HIP1: variants seen among roughly 807,000 people sequenced by gnomAD.
HIP1 encodes the protein huntingtin-interacting protein 1.
HIP1 carries 65 observed loss-of-function variants against 147.6 expected under a neutral mutation model. The observed-to-expected ratio is 0.44, with a 90% CI of 0.36 to 0.54. HIP1 has a LOEUF of 0.54. Ranked by LOEUF, HIP1 falls within the 20% of genes least tolerant of loss-of-function variation. The pLI, the probability that HIP1 is intolerant of heterozygous loss-of-function variation, is 0.00. For missense variants in HIP1, 1,061 were observed against 1,299.6 expected, an observed-to-expected ratio of 0.82 and a Z score of 2.82; for synonymous variants, 479 against 504.0, an observed-to-expected ratio of 0.95 and a Z score of 0.67.
Position 75,534,162 on chromosome 7 carries a change from C to T in HIP1, c.*4010G>A, listed in dbSNP as rs587705387. 2.2e-5 allele frequency: 5 copies of T among 229,248 alleles called. No individual in the cohort carries two copies. The highest frequency in any genetic ancestry group is 3.5e-5 in the Non-Finnish European group (4 of 115,556). The allele number at this position is 229,248 out of a possible 1,614,324, so 14.2% of individuals were successfully genotyped here. On this transcript the variant is annotated 3_prime_UTR_variant, in exon 31 of 31. Coordinates refer to ENST00000336926, the MANE Select transcript of HIP1 (RefSeq NM_005338.7). ...AGGGGCCAAAGCCAACTAATCTGAC[C>T]GGAGCGACATGTACCTGTGATTCCC...
intron 1 of HIP1, among the ~76,000 whole-genome samples, chr7:75,600,200 TC>T (rs1190219569): frequency 4.6e-5 from 7 of 152,002 alleles, no homozygotes; most frequent in African/African-American, 1.7e-4. Context: ...AACCCCTGCC[TC>T]CTGTGTTAAA....
intron 2 of HIP1, among the ~76,000 whole-genome samples, chr7:75,597,739 C>CAAAAAAAAA (rs782340180): frequency 5.3e-5 from 4 of 75,444 alleles, no homozygotes; most frequent in Admixed American, 1.7e-4. Flanking sequence ...GACTCTGTCT[C>CAAAAAAAAA]AAAAAAAAAA....
In HIP1 at chr7:75,564,161, G is replaced by A. The variant is rs1009194510; in HGVS notation, c.804-898C>T. The stretch of plus-strand genomic sequence containing the variant: ...ACTGCCTTGGCCTCCCAAAGTGCTG[G>A]GATTACAGGCATGAGCCACCACATC... On this transcript the variant is annotated intron_variant, in intron 9 of 30. Transcript: ENST00000336926. Among the ~76,000 whole-genome samples the A allele has an allele frequency of 3.3e-5, 5 of 152,174 alleles. No individual in the cohort carries two copies. The South Asian group carries it at 8.3e-4, about 25-fold the overall frequency.
At chr7:75,582,181 G>C in intron 5 of HIP1, 30 bp from the exon 6 acceptor site, 1 of 1,577,798 alleles carries the variant, frequency 6.3e-7, no homozygotes, top group Non-Finnish European at 8.7e-7. Context: ...AGGGAGTCAG[G>C]GCAGAAGACA....
At chr7:75,538,605 C>A (rs1197479843) in intron 30 of HIP1, among the ~76,000 whole-genome samples, 1 of 133,860 alleles carries the variant, frequency 7.5e-6, no homozygotes, top group Non-Finnish European at 1.6e-5. Flanking sequence ...GATGGAGTCT[C>A]GCTCTGTTGC....
At chr7:75,701,803 T>C (rs868949310) in intron 1 of HIP1, among the ~76,000 whole-genome samples, 1 of 152,036 alleles carries the variant, frequency 6.6e-6, no homozygotes, top group Admixed American at 6.6e-5. Flanking sequence ...CAGTGAGCTA[T>C]GATCACACCA....
rs113195358 is a variant in HIP1, at chr7:75,639,590, T to C, written c.121-40343A>G. 5.4e-4 allele frequency among the ~76,000 whole-genome samples: 81 copies of C among 150,114 alleles called. 1 individual carries two copies. The highest frequency in any genetic ancestry group is 3.4e-3 in the East Asian group (17 of 5,052). ...GTGTGTGTGTGTGTGTGTGTGTGTG[T>C]GTGCGCCCGCGTGTGTGTGCAGGCG... On this transcript the variant is annotated intron_variant, in intron 1 of 30. Coordinates refer to ENST00000336926, the MANE Select transcript of HIP1 (RefSeq NM_005338.7).
Position 75,539,320 on chromosome 7 carries a change from T to C in HIP1, c.3061+3A>G. On this transcript the variant is annotated splice_donor_region_variant and intron_variant, in intron 30 of 30. Transcript: ENST00000336926. ...TTAGTGCCCATCCTTGGAGTCAGCT[T>C]ACCTTCTTCCCAGCCCTCAGCAACA... The C allele has an allele frequency of 1.2e-6, 2 of 1,611,908 alleles. No individual in the cohort carries two copies. Among genetic ancestry groups the C allele is most frequent in the Non-Finnish European group, 1.7e-6 (2 of 1,177,994 alleles).
At chr7:75,622,049 C>T (rs10273662) in intron 1 of HIP1, among the ~76,000 whole-genome samples, 33,037 of 151,870 alleles carry the variant, frequency 0.22, 4,427 homozygotes, top group African/African-American at 0.39. Context: ...TTTGGGAGGC[C>T]GAGGTGGGCA....
rs587722193 is a variant in HIP1, at chr7:75,623,089, T to G, written c.121-23842A>C. Among the ~76,000 whole-genome samples, 368 of 149,850 alleles carry G rather than the reference T, an allele frequency of 2.5e-3. 2 individuals are homozygous for G. The highest frequency in any genetic ancestry group is 8.5e-3 in the African/African-American group (344 of 40,538). On this transcript the variant is annotated intron_variant, in intron 1 of 30. Transcript: ENST00000336926. ...GGTGCGTGCCTGTAATCCCAGCTACTCGGGAGGCTGAGGCAGGAGAATCGC... is the reference window on the plus strand; with the variant it reads ...GGTGCGTGCCTGTAATCCCAGCTACGCGGGAGGCTGAGGCAGGAGAATCGC...
At chr7:75,606,853 C>T (rs1208266844) in intron 1 of HIP1, among the ~76,000 whole-genome samples, 1 of 152,116 alleles carries the variant, frequency 6.6e-6, no homozygotes, top group African/African-American at 2.4e-5. Context: ...ACTCTACAAC[C>T]TACCAGTAGA....
At chr7:75,681,004 C>T (rs1554516787) in intron 1 of HIP1, among the ~76,000 whole-genome samples, 2 of 152,084 alleles carry the variant, frequency 1.3e-5, no homozygotes, top group African/African-American at 4.8e-5. Flanking sequence ...TCTCAATCCC[C>T]TGACCTCCTG....
intron 1 of HIP1, among the ~76,000 whole-genome samples, chr7:75,662,540 C>G (rs1460513624): frequency 1.3e-5 from 2 of 152,040 alleles, no homozygotes; most frequent in Admixed American, 6.6e-5. Flanking sequence ...GCGTCTCGCT[C>G]TGTCGCCCAG....
intron 4 of HIP1, among the ~76,000 whole-genome samples, chr7:75,590,854 T>C (rs1796477998): frequency 6.6e-6 from 1 of 152,130 alleles, no homozygotes; most frequent in South Asian, 2.1e-4. Context: ...TTTTGTGACT[T>C]TAGGACAAGC....
chr7:75,622,644 G>C (rs1584892098), intron 1 of HIP1, among the ~76,000 whole-genome samples: 1 of 152,208 alleles, frequency 6.6e-6, no homozygotes, highest in South Asian at 2.1e-4. Context: ...GTGAGGTTGG[G>C]GGAAGCCAGG....
chr7:75,619,515 CAAAAA>C (rs587631989), intron 1 of HIP1, among the ~76,000 whole-genome samples: 1 of 109,714 alleles, frequency 9.1e-6, no homozygotes, highest in East Asian at 2.9e-4. Context: ...GACTTTGTCT[CAAAAA>C]AAAAAAAAAA....
intron 1 of HIP1, among the ~76,000 whole-genome samples, chr7:75,667,893 T>G (rs1554514760): frequency 6.6e-6 from 1 of 152,270 alleles, no homozygotes; most frequent in Non-Finnish European, 1.5e-5. Context: ...CAATTCTAGA[T>G]TAATCAGTGA....
intron 1 of HIP1, among the ~76,000 whole-genome samples, chr7:75,601,471 C>T (rs189629709): frequency 1.6e-3 from 243 of 152,086 alleles, no homozygotes; most frequent in Middle Eastern, 3.4e-3. Flanking sequence ...CGCCTGTAAT[C>T]CCAGCTACTT....
At chr7:75,683,677 C>T (rs1333183153) in intron 1 of HIP1, among the ~76,000 whole-genome samples, 2 of 152,180 alleles carry the variant, frequency 1.3e-5, no homozygotes, top group Non-Finnish European at 2.9e-5. Context: ...AGGTCACTGA[C>T]ATCTGTGAAC....
Sources: allele counts gnomAD v4.1 joint callset (sites outside exome capture counted in the v4.1 genomes callset), GRCh38; gene constraint gnomAD v4.1.1; transcripts MANE v1.5; gene names NCBI Gene and HGNC (gene_info 2026-07-23, HGNC 2026-07-21).